SASH1: variants seen among roughly 807,000 people sequenced by gnomAD.
SASH1 encodes the protein SAM and SH3 domain-containing protein 1.
A neutral mutation model predicts 125.2 loss-of-function variants in SASH1; 44 were observed. That is an observed-to-expected ratio of 0.35 (90% CI 0.28 to 0.45). SASH1 has a LOEUF of 0.45. SASH1 is among the 20% of genes least tolerant of loss of function. The pLI is 1.00. For synonymous variants in SASH1, 639 were observed against 649.1 expected, an observed-to-expected ratio of 0.98 and a Z score of 0.24; for missense variants, 1,426 against 1,614.5, an observed-to-expected ratio of 0.88 and a Z score of 2.00.
chr6:148,518,040 T>G (rs890138351), intron 9 of SASH1, among the ~76,000 whole-genome samples: 13 of 152,194 alleles, frequency 8.5e-5, no homozygotes, highest in African/African-American at 3.1e-4. Context: ...CAGTCGCTTC[T>G]TCTTGGAAGT....
At chr6:148,546,170 C>G in intron 19 of SASH1, 24 bp downstream of exon 19, 2 of 1,609,612 alleles carry the variant, frequency 1.2e-6, no homozygotes, top group Non-Finnish European at 1.7e-6. Context: ...AGTTCTCCAG[C>G]TTCCTGAGGC....
At chr6:148,301,447 G>T (rs1779942596) in intron 1 of SASH1, among the ~76,000 whole-genome samples, 1 of 151,872 alleles carries the variant, frequency 6.6e-6, no homozygotes, top group South Asian at 2.1e-4. Flanking sequence ...TGTATTTTTG[G>T]TAGAGACAGG....
intron 1 of SASH1, among the ~76,000 whole-genome samples, chr6:148,281,712 G>A (rs971299161): frequency 2.0e-5 from 3 of 152,134 alleles, no homozygotes; most frequent in Non-Finnish European, 4.4e-5. Flanking sequence ...CATGAGGTCA[G>A]GAGATCGAGA....
intron 1 of SASH1, among the ~76,000 whole-genome samples, chr6:148,347,043 G>A (rs1464916552): frequency 1.3e-5 from 2 of 152,108 alleles, no homozygotes; most frequent in Non-Finnish European, 2.9e-5. Flanking sequence ...CTTTTTTTAG[G>A]TAGGGGAGGG....
rs1777875106 is a variant in SASH1 at position 148,467,098 on chromosome 6, T to TG, written c.387-1447_387-1446insG. On this transcript the variant is annotated intron_variant, in intron 4 of 19. Transcript: ENST00000367467. ...TACTGTTCCCTGTTCCTTTTTTTTT[T>TG]TTTTTTTTTTTTTTTGGTGATACAG... is the stretch of plus-strand genomic sequence containing the variant. Among the ~76,000 whole-genome samples the TG allele has an allele frequency of 2.5e-5, 3 of 117,654 alleles. No individual in the cohort carries two copies. The South Asian group carries it at 7.8e-4, about 31-fold the overall frequency. 77.2% of individuals were successfully genotyped at this position (117,654 alleles called of 152,430 possible).
At chr6:148,492,685 G>A (rs1292148068) in intron 8 of SASH1, among the ~76,000 whole-genome samples, 3 of 152,214 alleles carry the variant, frequency 2.0e-5, no homozygotes, top group African/African-American at 4.8e-5. Context: ...GCCAGATGTG[G>A]TGGTCTGTGC....
intron 1 of SASH1, among the ~76,000 whole-genome samples, chr6:148,290,948 AAG>A (rs148819121): frequency 0.017 from 2,546 of 151,406 alleles, 80 homozygotes; most frequent in African/African-American, 0.058. Context: ...TGTTTTATGA[AAG>A]AGATAAAAGG....
At chr6:148,326,409 C>CTTTTCTTTTCTTTTT (rs1554235392) in intron 1 of SASH1, among the ~76,000 whole-genome samples, 20 of 90,122 alleles carry the variant, frequency 2.2e-4, no homozygotes, top group Non-Finnish European at 3.7e-4. Context: ...CTTTTCTTTT[C>CTTTTCTTTTCTTTTT]TTTTCTTTTT....
chr6:148,287,293 A>T (rs1444403474), intron 1 of SASH1, among the ~76,000 whole-genome samples: 2 of 152,186 alleles, frequency 1.3e-5, no homozygotes, highest in Non-Finnish European at 2.9e-5. Context: ...CTGGGCCAAT[A>T]GTCCCTACGC....
At chr6:148,235,087 A>G in the SASH1 span, among the ~76,000 whole-genome samples, 1 of 152,212 alleles carries the variant, frequency 6.6e-6, no homozygotes, top group Admixed American at 6.5e-5. Flanking sequence ...ATTTTGGCTC[A>G]GAAGTTTAAT....
At chr6:148,219,684 C>T in the SASH1 span, among the ~76,000 whole-genome samples, 4 of 152,292 alleles carry the variant, frequency 2.6e-5, no homozygotes, top group African/African-American at 9.6e-5. Context: ...AACGTACCCA[C>T]TGAGCCCACA....
At chr6:148,377,029 G>A (rs1265739308) in intron 1 of SASH1, among the ~76,000 whole-genome samples, 1 of 150,422 alleles carries the variant, frequency 6.6e-6, no homozygotes, top group African/African-American at 2.4e-5. Flanking sequence ...AATTAGCCGG[G>A]CGTAGTGGCG....
chr6:148,499,054 T>TTTG (rs1355004546), intron 8 of SASH1, among the ~76,000 whole-genome samples: 2 of 146,424 alleles, frequency 1.4e-5, no homozygotes, highest in African/African-American at 5.3e-5. Context: ...AATTCTTTTT[T>TTTG]TTGTTTTTTT....
chr6:148,292,888 T>C (rs1313657855), intron 1 of SASH1, among the ~76,000 whole-genome samples: 1 of 151,948 alleles, frequency 6.6e-6, no homozygotes, highest in East Asian at 1.9e-4. Context: ...CTGTCTCTAC[T>C]AAAAATACAA....
intron 2 of SASH1, among the ~76,000 whole-genome samples, chr6:148,435,392 A>G (rs960002268): frequency 1.3e-5 from 2 of 152,080 alleles, no homozygotes; most frequent in Non-Finnish European, 2.9e-5. Flanking sequence ...AAAAAAAAAA[A>G]AAAAAGGATA....
the SASH1 span, among the ~76,000 whole-genome samples, chr6:148,241,415 T>G: frequency 2.6e-5 from 4 of 152,200 alleles, no homozygotes; most frequent in African/African-American, 9.6e-5. Context: ...CATTTTGCAG[T>G]TGTACATCTA....
At chr6:148,369,016 G>T (rs188629082) in intron 1 of SASH1, among the ~76,000 whole-genome samples, 20 of 152,348 alleles carry the variant, frequency 1.3e-4, no homozygotes, top group Admixed American at 7.8e-4. Flanking sequence ...TTTAGTAAAT[G>T]CCTGCCTTGT....
the SASH1 span, among the ~76,000 whole-genome samples, chr6:148,257,149 ATTC>A: frequency 6.6e-6 from 1 of 152,160 alleles, no homozygotes; most frequent in Non-Finnish European, 1.5e-5. Context: ...AGGTAGCAGG[ATTC>A]TATCCAGAAG....
intron 1 of SASH1, chr6:148,380,007 T>C (rs537617333): frequency 1.1e-5 from 5 of 455,570 alleles, no homozygotes; most frequent in Non-Finnish European, 2.2e-5. Flanking sequence ...TATTTTTCAG[T>C]TGTTACCTGT....
Sources: gnomAD v4.1 joint callset for allele counts (sites outside exome capture counted in the v4.1 genomes callset) on GRCh38, gnomAD v4.1.1 for gene constraint, MANE v1.5 for transcripts, NCBI Gene and HGNC (gene_info 2026-07-23, HGNC 2026-07-21) for gene names.